EPHA6: variants seen among roughly 807,000 people sequenced by gnomAD.
The protein encoded by EPHA6 is ephrin type-A receptor 6.
Under a neutral mutation model 112.0 loss-of-function variants are expected in EPHA6, and 50 were observed. The observed-to-expected ratio is 0.45, with a 90% CI of 0.36 to 0.56. The LOEUF (loss-of-function observed/expected upper bound fraction) is 0.56, where lower values mean the gene tolerates loss of function less well. Ranked by LOEUF, EPHA6 falls within the 20% of genes least tolerant of loss-of-function variation. The pLI is 0.00. For synonymous variants in EPHA6, 529 were observed against 490.7 expected (o/e 1.08, Z -1.03); for missense variants, 1,280 against 1,417.4 (o/e 0.90, Z 1.56).
chr3:97,564,905 C>T (rs1157341208), intron 11 of EPHA6, among the ~76,000 whole-genome samples: 1 of 151,932 alleles, frequency 6.6e-6, no homozygotes, highest in Non-Finnish European at 1.5e-5. Context: ...ATATATGGCA[C>T]CTCGGTAGCA....
chr3:97,715,664 T>G (rs190732095), intron 14 of EPHA6, among the ~76,000 whole-genome samples: 1 of 152,328 alleles, frequency 6.6e-6, no homozygotes, highest in Admixed American at 6.5e-5. Flanking sequence ...TTTCAATTGA[T>G]TGGTCTCTCC....
intron 3 of EPHA6, among the ~76,000 whole-genome samples, chr3:96,991,438 C>G (rs1286233780): frequency 1.3e-5 from 2 of 152,116 alleles, no homozygotes; most frequent in Non-Finnish European, 2.9e-5. Flanking sequence ...GGGCCTTTCT[C>G]TATGTGGCCT....
At chr3:97,578,969 T>C (rs577672640) in intron 11 of EPHA6, among the ~76,000 whole-genome samples, 2 of 152,322 alleles carry the variant, frequency 1.3e-5, no homozygotes, top group East Asian at 1.9e-4. Flanking sequence ...TATATGCCAT[T>C]AACCTAAAAA....
intron 10 of EPHA6, among the ~76,000 whole-genome samples, chr3:97,493,919 C>A (rs1252749943): frequency 6.6e-6 from 1 of 152,010 alleles, no homozygotes; most frequent in African/African-American, 2.4e-5. Context: ...AGAGTAAAAT[C>A]TATAAAGATG....
chr3:97,562,200 A>T (rs898442768), intron 11 of EPHA6, among the ~76,000 whole-genome samples: 1 of 152,160 alleles, frequency 6.6e-6, no homozygotes, highest in Admixed American at 6.5e-5. Context: ...ATTATTTCGG[A>T]AAACTACATT....
At chr3:97,142,306 G>T (rs574874012) in intron 3 of EPHA6, among the ~76,000 whole-genome samples, 1 of 152,060 alleles carries the variant, frequency 6.6e-6, no homozygotes, top group East Asian at 1.9e-4. Flanking sequence ...TGTAAGATTT[G>T]CTTCAGGCTC....
At chr3:97,056,493 C>T (rs752876884) in intron 3 of EPHA6, among the ~76,000 whole-genome samples, 46 of 152,258 alleles carry the variant, frequency 3.0e-4, no homozygotes, top group Admixed American at 7.9e-4. Flanking sequence ...GACCTTCTCC[C>T]TCAGTTTGGA....
At chr3:97,053,449 C>A (rs1335095154) in intron 3 of EPHA6, among the ~76,000 whole-genome samples, 1 of 152,074 alleles carries the variant, frequency 6.6e-6, no homozygotes, top group Non-Finnish European at 1.5e-5. Flanking sequence ...CCTCTTCTGA[C>A]CACAGTAGAC....
At chr3:97,260,090 C>A (rs569480705) in intron 5 of EPHA6, among the ~76,000 whole-genome samples, 1 of 152,120 alleles carries the variant, frequency 6.6e-6, no homozygotes, top group Non-Finnish European at 1.5e-5. Flanking sequence ...CATGAGCCAC[C>A]GTGCCCAGCC....
At chr3:97,119,579 A>C (rs1357377721) in intron 3 of EPHA6, among the ~76,000 whole-genome samples, 2 of 151,972 alleles carry the variant, frequency 1.3e-5, no homozygotes, top group Non-Finnish European at 2.9e-5. Context: ...AGGGCAAATC[A>C]GTAGCTTAAA....
chr3:97,041,805 A>G (rs958889039), intron 3 of EPHA6, among the ~76,000 whole-genome samples: 1 of 152,044 alleles, frequency 6.6e-6, no homozygotes. Context: ...GGAGAGGGCT[A>G]CACACTTTTA....
intron 9 of EPHA6, among the ~76,000 whole-genome samples, chr3:97,482,915 G>A (rs922610064): frequency 2.0e-5 from 3 of 152,102 alleles, no homozygotes; most frequent in Non-Finnish European, 2.9e-5. Flanking sequence ...ACGATAGAAA[G>A]ATATATAAGA....
chr3:97,667,696 A>G (rs914594371), intron 14 of EPHA6, among the ~76,000 whole-genome samples: 1 of 152,230 alleles, frequency 6.6e-6, no homozygotes, highest in Non-Finnish European at 1.5e-5. Flanking sequence ...CAACATGGGC[A>G]AACTCTTAAA....
intron 11 of EPHA6, among the ~76,000 whole-genome samples, chr3:97,563,920 A>G (rs1025215813): frequency 6.6e-6 from 1 of 152,186 alleles, no homozygotes; most frequent in Admixed American, 6.5e-5. Flanking sequence ...GCAAAGAATG[A>G]AACAAAATCA....
chr3:97,287,750 G>C (rs2080524497), intron 5 of EPHA6, among the ~76,000 whole-genome samples: 1 of 152,070 alleles, frequency 6.6e-6, no homozygotes, highest in African/African-American at 2.4e-5. Context: ...TGCATCCCTG[G>C]GATGAATCCC....
intron 11 of EPHA6, chr3:97,590,260 T>C (rs1383101941): frequency 6.6e-6 from 1 of 152,156 alleles, no homozygotes; most frequent in Admixed American, 6.5e-5. Flanking sequence ...CCACAATAGA[T>C]GAAAGACCTT....
chr3:97,347,830 T>C (rs1210412156), intron 5 of EPHA6, among the ~76,000 whole-genome samples: 2 of 152,086 alleles, frequency 1.3e-5, no homozygotes, highest in South Asian at 2.1e-4. Flanking sequence ...ATCTGGCAAG[T>C]ACATTTTCAC....
At chr3:96,825,526 T>C (rs1366706964) in intron 1 of EPHA6, among the ~76,000 whole-genome samples, 1 of 151,966 alleles carries the variant, frequency 6.6e-6, no homozygotes, top group Non-Finnish European at 1.5e-5. Context: ...TATTTTCTCT[T>C]TCCTAACTGT....
intron 10 of EPHA6, among the ~76,000 whole-genome samples, chr3:97,516,640 TA>T (rs2092452473): frequency 6.6e-6 from 1 of 152,166 alleles, no homozygotes. Flanking sequence ...AGAACTGAAT[TA>T]AAAATCTAAT....
Sources: allele counts gnomAD v4.1 joint callset (sites outside exome capture counted in the v4.1 genomes callset), GRCh38; gene constraint gnomAD v4.1.1; transcripts MANE v1.5; gene names NCBI Gene and HGNC (gene_info 2026-07-23, HGNC 2026-07-21).